The following TRAF5 variants were observed in gnomAD, a reference collection of about 807,000 sequenced individuals.
The protein encoded by TRAF5 is TNF receptor-associated factor 5.
TRAF5 carries 48 observed loss-of-function variants against 64.5 expected under a neutral mutation model. The observed-to-expected ratio is 0.74, with a 90% confidence interval of 0.59 to 0.95. The LOEUF (loss-of-function observed/expected upper bound fraction) is 0.95, where lower values mean the gene tolerates loss of function less well. TRAF5 is among the 40% of genes least tolerant of loss of function. The probability of loss-of-function intolerance (pLI) is 0.00; values close to 1 mark genes in which losing one functional copy is unlikely to be tolerated. For synonymous variants in TRAF5, 206 were observed against 240.5 expected, an observed-to-expected ratio of 0.86 and a Z score of 1.33; for missense variants, 545 against 662.8, an observed-to-expected ratio of 0.82 and a Z score of 1.95.
intron 1 of TRAF5, among the ~76,000 whole-genome samples, chr1:211,351,318 G>A (rs866793137): frequency 1.1e-4 from 17 of 151,956 alleles, no homozygotes; most frequent in Middle Eastern, 3.4e-3. Flanking sequence ...GAGCCACTGC[G>A]TCCAGCCTTC....
rs1185338297 is a variant in TRAF5, at chr1:211,372,309, C to T, written c.1281C>T (p.Ser427=). The T allele has an allele frequency of 6.2e-7, 1 of 1,614,062 alleles. No individual in the cohort carries two copies. Among genetic ancestry groups the T allele is most frequent in the African/African-American group, 1.3e-5 (1 of 75,004 alleles). ...AGGCGGTGGATGGGCACACAGTGTCCATCTTCAGCCAGTCCTTCTACACCA... is the reference window on the plus strand; with the variant it reads ...AGGCGGTGGATGGGCACACAGTGTCTATCTTCAGCCAGTCCTTCTACACCA... ...KREAVDGHTV[S]IFSQSFYTSR... The change falls in exon 11 of 11, where the codon TCC becomes TCT. Residue 427 remains serine (S), a synonymous_variant. Coordinates refer to ENST00000261464, the MANE Select transcript of TRAF5 (RefSeq NM_001033910.3).
chr1:211,330,267 C>T (rs530130241), intron 1 of TRAF5, among the ~76,000 whole-genome samples: 3 of 152,178 alleles, frequency 2.0e-5, no homozygotes, highest in Admixed American at 6.5e-5. Flanking sequence ...CAGGATATCT[C>T]ACTTACTTTC....
intron 4 of TRAF5, chr1:211,358,177 T>G (rs902079299): frequency 3.3e-5 from 5 of 152,188 alleles, no homozygotes; most frequent in African/African-American, 1.2e-4. Context: ...TGCCTGCTTT[T>G]AAACCTCTAG....
intron 7 of TRAF5, among the ~76,000 whole-genome samples, chr1:211,361,549 GCTTA>G (rs1558145104): frequency 6.6e-6 from 1 of 152,062 alleles, no homozygotes; most frequent in Non-Finnish European, 1.5e-5. Context: ...AGGGTAATCT[GCTTA>G]CTTCAAGTCT....
chr1:211,350,770 T>C (rs1702761867), intron 1 of TRAF5, among the ~76,000 whole-genome samples: 1 of 152,184 alleles, frequency 6.6e-6, no homozygotes, highest in African/African-American at 2.4e-5. Context: ...TTCTGGAAGC[T>C]GAAAGCCCAA....
chr1:211,360,984 T>A (rs1703159372), intron 6 of TRAF5, 104 bp from the exon 7 acceptor site: 1 of 1,213,558 alleles, frequency 8.2e-7, no homozygotes, highest in Non-Finnish European at 1.2e-6. Context: ...CCTCTCTCCT[T>A]CTCCTGGTCC....
At chr1:211,367,002 G>T (rs904792344) in intron 8 of TRAF5, among the ~76,000 whole-genome samples, 2 of 147,382 alleles carry the variant, frequency 1.4e-5, no homozygotes, top group Non-Finnish European at 3.0e-5. Context: ...TGTTTGTTGA[G>T]ATAGGGTCTG....
chr1:211,330,978 T>A (rs1292264244), intron 1 of TRAF5, among the ~76,000 whole-genome samples: 1 of 152,246 alleles, frequency 6.6e-6, no homozygotes, highest in Non-Finnish European at 1.5e-5. Context: ...TTGGCCACTA[T>A]GATTTGCAAT....
intron 1 of TRAF5, among the ~76,000 whole-genome samples, chr1:211,332,504 C>CTA: frequency 6.6e-6 from 1 of 152,258 alleles, no homozygotes; most frequent in East Asian, 1.9e-4. Context: ...AAGCGGCAGC[C>CTA]ATGAAGGTCC....
At position 211,345,565 on chromosome 1, in the gene TRAF5, A is replaced by G. The variant is rs1459542310; in HGVS notation, c.-1-7674A>G. 2.0e-5 allele frequency among the ~76,000 whole-genome samples: 3 copies of G among 151,962 alleles called. No homozygotes were observed. The East Asian group carries it at 5.8e-4, about 29-fold the overall frequency. On this transcript the variant is annotated intron_variant, in intron 1 of 10. Coordinates refer to ENST00000261464, the MANE Select transcript of TRAF5 (RefSeq NM_001033910.3). ...TTGAACATTTTAACTTTTCTTTATC[A>G]CCAGCCACAGTCTCTCCTCTTTAAG...
intron 3 of TRAF5, 81 bp downstream of exon 3, chr1:211,354,548 A>C: frequency 6.9e-7 from 1 of 1,453,784 alleles, no homozygotes; most frequent in Non-Finnish European, 9.6e-7. Flanking sequence ...AGATAGGAGC[A>C]GGAGAGTGGT....
At position 211,372,307 on chromosome 1, in the gene TRAF5, T is replaced by G. The variant is rs1370219362; in HGVS notation, c.1279T>G (p.Ser427Ala). Residue 427 changes from serine (S) to alanine (A), a missense_variant, in exon 11 of 11, where the codon TCC becomes GCC. By Grantham distance (99) the Ser-to-Ala change is moderately conservative (BLOSUM62 1). Coordinates refer to ENST00000261464, the MANE Select transcript of TRAF5 (RefSeq NM_001033910.3). Reference sequence around the variant, plus strand: ...AGAGGCGGTGGATGGGCACACAGTGTCCATCTTCAGCCAGTCCTTCTACAC... The same window carrying G: ...AGAGGCGGTGGATGGGCACACAGTGGCCATCTTCAGCCAGTCCTTCTACAC... The part of the protein sequence containing the change: ...KREAVDGHTV[S>A]IFSQSFYTSR... The G allele has an allele frequency of 6.2e-7, 1 of 1,614,066 alleles. No homozygotes were observed. Among genetic ancestry groups the G allele is most frequent in the Admixed American group, 1.7e-5 (1 of 60,008 alleles).
chr1:211,326,648 T>C (rs954132151), upstream of TRAF5: 11 of 979,296 alleles, frequency 1.1e-5, no homozygotes, highest in African/African-American at 1.9e-4. This position sits in a 1 kb window ranked among gnomAD's most constrained non-coding sequence, Gnocchi z 5.0. Context: ...TGACTGGACT[T>C]GTAGATACTA....
intron 4 of TRAF5, chr1:211,357,299 C>T (rs1301744920): frequency 6.6e-6 from 1 of 152,182 alleles, no homozygotes. Context: ...CCTCCAAATC[C>T]CTCAGGGACT....
At chr1:211,340,924 CT>C (rs1702431856) in intron 1 of TRAF5, among the ~76,000 whole-genome samples, 1 of 152,188 alleles carries the variant, frequency 6.6e-6, no homozygotes, top group African/African-American at 2.4e-5. Context: ...TCCTTTGACT[CT>C]GCTGGACTTT....
intron 8 of TRAF5, 53 bp from the exon 9 acceptor site, chr1:211,369,399 A>C: frequency 6.4e-6 from 9 of 1,415,204 alleles, no homozygotes; most frequent in Non-Finnish European, 7.5e-6. Context: ...TTTTAACTAT[A>C]TGCATGCAGT....
chr1:211,353,368 C>T lies in TRAF5; in HGVS notation c.129C>T (p.Tyr43=). ...TTGTGGAGCGGTTGGAAGAGCGCTA[C>T]AAATGTGCCTTCTGCCACTCGGTGC... ...YQFVERLEER[Y]KCAFCHSVLH... Residue 43 remains tyrosine, a synonymous_variant, in exon 2 of 11, where the codon TAC becomes TAT. Transcript: ENST00000261464. 2 of 1,614,184 alleles carry T rather than the reference C, an allele frequency of 1.2e-6. No homozygotes were observed. Among genetic ancestry groups the T allele is most frequent in the Non-Finnish European group, 1.7e-6 (2 of 1,180,034 alleles).
intron 3 of TRAF5, among the ~76,000 whole-genome samples, chr1:211,354,854 C>T (rs916623064): frequency 6.6e-6 from 1 of 152,124 alleles, no homozygotes; most frequent in African/African-American, 2.4e-5. Flanking sequence ...TTCCTTTGCT[C>T]ATTTTAAAAA....
intron 3 of TRAF5, among the ~76,000 whole-genome samples, chr1:211,356,034 C>T (rs145106489): frequency 8.5e-4 from 129 of 152,324 alleles, no homozygotes; most frequent in Middle Eastern, 3.4e-3. Context: ...TACATTTACC[C>T]TGGGACAGGA....
Sources: allele counts gnomAD v4.1 joint callset (sites outside exome capture counted in the v4.1 genomes callset), GRCh38; gene constraint gnomAD v4.1.1; non-coding constraint Gnocchi (gnomAD v3.1); transcripts MANE v1.5; gene names NCBI Gene and HGNC (gene_info 2026-07-23, HGNC 2026-07-21).